CFAP20DC: variants seen among roughly 807,000 people sequenced by gnomAD.
CFAP20DC encodes the protein CFAP20 domain containing.
CFAP20DC carries 84 observed loss-of-function variants against 101.7 expected under a neutral mutation model. The ratio of observed to expected loss-of-function variants is 0.83; its 90% CI spans 0.69 to 0.99. The LOEUF (loss-of-function observed/expected upper bound fraction) is 0.99, where lower values mean the gene tolerates loss of function less well. CFAP20DC is among the 50% of genes least tolerant of loss of function. The probability of loss-of-function intolerance (pLI) is 0.00; values close to 1 mark genes in which losing one functional copy is unlikely to be tolerated. For synonymous variants in CFAP20DC, 359 were observed against 351.2 expected (o/e 1.02, Z -0.25); for missense variants, 1,007 against 970.3 (o/e 1.04, Z -0.50).
At chr3:58,742,829 G>T (rs2067954199) in intron 16 of CFAP20DC, among the ~76,000 whole-genome samples, 1 of 152,176 alleles carries the variant, frequency 6.6e-6, no homozygotes, top group South Asian at 2.1e-4. Flanking sequence ...AGAACTGGCA[G>T]GAGGGGAAGG....
At chr3:58,884,394 T>C in intron 7 of CFAP20DC, 151 bp downstream of exon 7, 2 of 631,274 alleles carry the variant, frequency 3.2e-6, no homozygotes, top group Non-Finnish European at 5.3e-6. Context: ...AATCTGAGTT[T>C]GTAGCCCCTG....
intron 13 of CFAP20DC, among the ~76,000 whole-genome samples, chr3:58,835,954 A>T (rs2076708234): frequency 6.6e-6 from 1 of 152,222 alleles, no homozygotes; most frequent in Admixed American, 6.5e-5. Flanking sequence ...ATTCAATTTC[A>T]TCTCAAAATA....
chr3:58,813,149 T>C (rs1407598999), intron 14 of CFAP20DC, among the ~76,000 whole-genome samples: 1 of 151,798 alleles, frequency 6.6e-6, no homozygotes, highest in African/African-American at 2.4e-5. Context: ...TACTGATCAA[T>C]AAGCTGAAAA....
In CFAP20DC at chr3:58,859,939, G is replaced by T. The variant is rs2079110161; in HGVS notation, c.1593+3619C>A. 6.6e-6 allele frequency among the ~76,000 whole-genome samples: 1 copy of T among 152,096 alleles called. No homozygotes were observed. The highest frequency in any genetic ancestry group is 2.4e-5 in the African/African-American group (1 of 41,418). Reference sequence around the variant, plus strand: ...CATGCCTGTAATCCCAGCACTTTCGGAAGCCGAGGCAGGCAGATCACGAGG... The same window carrying T: ...CATGCCTGTAATCCCAGCACTTTCGTAAGCCGAGGCAGGCAGATCACGAGG... On this transcript the variant is annotated intron_variant, in intron 12 of 16. Transcript: ENST00000482387. This position sits in a 1 kb window ranked among gnomAD's most constrained non-coding sequence, Gnocchi z 4.1.
In CFAP20DC at chr3:58,867,816, C is replaced by T. The variant is rs1477117524; in HGVS notation, c.1135+1G>A. On this transcript the variant is annotated splice_donor_variant, in intron 10 of 16. Transcript: ENST00000482387. LOFTEE classifies it high-confidence loss of function. The stretch of plus-strand genomic sequence containing the variant: ...AAGATAGGATTGAAATAGTGCCATA[C>T]CGCTGGGTGTCTCTGTCCTTTCTCT... 3 of 1,613,480 alleles carry T rather than the reference C, an allele frequency of 1.9e-6. No individual in the cohort carries two copies. The highest frequency in any genetic ancestry group is 2.5e-6 in the Non-Finnish European group (3 of 1,179,528).
At chr3:58,807,720 C>A (rs1037210493) in intron 14 of CFAP20DC, among the ~76,000 whole-genome samples, 2 of 152,192 alleles carry the variant, frequency 1.3e-5, no homozygotes, top group African/African-American at 4.8e-5. Context: ...TGGAGAATGA[C>A]TTTGACGAGT....
intron 15 of CFAP20DC, among the ~76,000 whole-genome samples, chr3:58,765,892 T>C (rs1394013168): frequency 6.6e-6 from 1 of 152,194 alleles, no homozygotes; most frequent in African/African-American, 2.4e-5. Flanking sequence ...TAGCTCATTT[T>C]TGGGGACAAT....
At chr3:58,757,999 C>T (rs2069122535) in intron 15 of CFAP20DC, among the ~76,000 whole-genome samples, 1 of 152,068 alleles carries the variant, frequency 6.6e-6, no homozygotes, top group Admixed American at 6.6e-5. Flanking sequence ...TTTGAAAACA[C>T]TGTGAGTATC....
chr3:59,028,778 C>G (rs1232045851), intron 4 of CFAP20DC, among the ~76,000 whole-genome samples: 2 of 152,142 alleles, frequency 1.3e-5, no homozygotes, highest in East Asian at 3.9e-4. Context: ...TGAGCTATAA[C>G]AAAGTGCTTA....
intron 5 of CFAP20DC, 62 bp downstream of exon 5, chr3:58,937,586 C>A: frequency 9.9e-7 from 1 of 1,010,328 alleles, no homozygotes; most frequent in Non-Finnish European, 1.6e-6. Context: ...ATGGAGTCAG[C>A]CCATAAGTAA....
At chr3:58,759,944 A>T (rs1271329273) in intron 15 of CFAP20DC, among the ~76,000 whole-genome samples, 3 of 152,138 alleles carry the variant, frequency 2.0e-5, no homozygotes, top group African/African-American at 7.2e-5. Context: ...GTAGCCTTGT[A>T]GTATAGTTTG....
rs1009638316 is a variant in CFAP20DC at position 59,002,268 on chromosome 3, C to T, written c.278+37289G>A. On this transcript the variant is annotated intron_variant, in intron 4 of 16. Coordinates refer to ENST00000482387, the MANE Select transcript of CFAP20DC (RefSeq NM_001394063.1). The surrounding 1 kb of genome is among the most constrained non-coding windows in gnomAD (Gnocchi z 4.5). ...ATAAGATGAGTGTGTGGCACACACA[C>T]ATGCTGAATAATTAGCTTCCCTCCT... 2.0e-5 allele frequency among the ~76,000 whole-genome samples: 3 copies of T among 152,194 alleles called. No homozygotes were observed. The highest frequency in any genetic ancestry group is 7.2e-5 in the African/African-American group (3 of 41,454).
chr3:58,734,921 G>A (rs141108610), intron 3 of CFAP20DC, among the ~76,000 whole-genome samples: 220 of 152,204 alleles, frequency 1.4e-3, no homozygotes, highest in African/African-American at 5.1e-3. Flanking sequence ...TTAGAAGAAC[G>A]CTACAGATAA....
chr3:58,947,609 A>G (rs916113473), intron 4 of CFAP20DC, among the ~76,000 whole-genome samples: 2 of 152,230 alleles, frequency 1.3e-5, no homozygotes, highest in African/African-American at 4.8e-5. Context: ...ATAAAATTCA[A>G]TACTGAGTAA....
chr3:58,743,199 T>C (rs1011714670), intron 16 of CFAP20DC, among the ~76,000 whole-genome samples: 6 of 151,304 alleles, frequency 4.0e-5, no homozygotes, highest in Admixed American at 3.3e-4. Context: ...GCCATTTAGA[T>C]GGATTGGACA....
rs2108811082 is a variant in CFAP20DC at position 59,006,980 on chromosome 3, G to A, written c.278+32577C>T. Among the ~76,000 whole-genome samples, 1 of 152,288 alleles carries A rather than the reference G, an allele frequency of 6.6e-6. No homozygotes were observed. The highest frequency in any genetic ancestry group is 2.4e-5 in the African/African-American group (1 of 41,574). On this transcript the variant is annotated intron_variant, in intron 4 of 16. Coordinates refer to ENST00000482387, the MANE Select transcript of CFAP20DC (RefSeq NM_001394063.1). This position sits in a 1 kb window ranked among gnomAD's most constrained non-coding sequence, Gnocchi z 4.3. ...GAGTTTTGTGAGCAGGCTAACTGGA[G>A]CTAAACTCAGTGCTGTTAGTGGGGC...
intron 16 of CFAP20DC, among the ~76,000 whole-genome samples, chr3:58,745,706 C>A (rs577985869): frequency 2.6e-5 from 4 of 152,290 alleles, no homozygotes; most frequent in African/African-American, 7.2e-5. Context: ...TAGGCTATAA[C>A]TTTCTTAGTA....
At chr3:58,809,743 C>T (rs2074442531) in intron 14 of CFAP20DC, among the ~76,000 whole-genome samples, 1 of 151,830 alleles carries the variant, frequency 6.6e-6, no homozygotes, top group South Asian at 2.1e-4. Context: ...AAAACGCTTT[C>T]AAAAATTAAT....
intron 14 of CFAP20DC, among the ~76,000 whole-genome samples, chr3:58,813,459 CA>C (rs1184904855): frequency 2.0e-5 from 3 of 152,054 alleles, no homozygotes; most frequent in African/African-American, 7.3e-5. Flanking sequence ...AAATTGCATT[CA>C]AAGAGCTTTA....
Sources: gnomAD v4.1 joint callset for allele counts (sites outside exome capture counted in the v4.1 genomes callset) on GRCh38, gnomAD v4.1.1 for gene constraint, Gnocchi (gnomAD v3.1) non-coding constraint, MANE v1.5 for transcripts, NCBI Gene and HGNC (gene_info 2026-07-23, HGNC 2026-07-21) for gene names.